Variants in TECPR2 observed in about 807,000 individuals in gnomAD.
TECPR2 encodes tectonin beta-propeller repeat-containing protein 2.
A neutral mutation model predicts 138.1 loss-of-function variants in TECPR2; 65 were observed. The ratio of observed to expected loss-of-function variants is 0.47; its 90% CI spans 0.39 to 0.58. TECPR2 has a LOEUF of 0.58. Among genes scored for constraint, TECPR2 ranks in the 20% least tolerant of loss-of-function variants. The pLI is 0.00. For missense variants in TECPR2, 1,553 were observed against 1,824.5 expected (o/e 0.85, Z 2.71); for synonymous variants, 746 against 749.8 (o/e 0.99, Z 0.08).
intron 5 of TECPR2, among the ~76,000 whole-genome samples, chr14:102,424,614 ATGATGCAT>A (rs1209240324): frequency 6.6e-6 from 1 of 152,238 alleles, no homozygotes; most frequent in Non-Finnish European, 1.5e-5. Flanking sequence ...GATTGCAGGC[ATGATGCAT>A]CCAGCCTGAA....
intron 2 of TECPR2, among the ~76,000 whole-genome samples, chr14:102,393,040 T>C (rs1175642603): frequency 1.3e-5 from 2 of 152,220 alleles, no homozygotes; most frequent in African/African-American, 4.8e-5. Flanking sequence ...TCCTTGGGAT[T>C]CTGGCTTGGC....
intron 17 of TECPR2, among the ~76,000 whole-genome samples, chr14:102,495,315 G>A (rs762955691): frequency 1.3e-5 from 2 of 152,214 alleles, no homozygotes; most frequent in African/African-American, 2.4e-5. Context: ...GCGGAGCTGC[G>A]ACCAAGTCTG....
At chr14:102,446,855 T>C (rs1306232963) in intron 13 of TECPR2, among the ~76,000 whole-genome samples, 2 of 152,200 alleles carry the variant, frequency 1.3e-5, no homozygotes, top group African/African-American at 4.8e-5. Context: ...TATTATAGGC[T>C]AAATAAACCC....
intron 16 of TECPR2, among the ~76,000 whole-genome samples, chr14:102,462,545 A>G (rs1004863001): frequency 1.3e-5 from 2 of 152,224 alleles, no homozygotes; most frequent in African/African-American, 4.8e-5. Flanking sequence ...TGGCAGAGTC[A>G]TGCCTCTGTG....
Position 102,434,570 on chromosome 14 carries a change from G to A in TECPR2, c.1753G>A (p.Ala585Thr), listed in dbSNP as rs551482396. The A allele has an allele frequency of 6.4e-7, 1 of 1,558,088 alleles. No homozygotes were observed. Among genetic ancestry groups the A allele is most frequent in the African/African-American group, 1.4e-5 (1 of 73,956 alleles). ...HAHGRELLNG[A>T]REDVGGSDVT... ...ACATGGGCGGGAGCTGCTCAATGGA[G>A]CGAGGGAAGATGTGGGAGGCAGTGA... The change falls in exon 9 of 20, where the codon GCG becomes ACG. Residue 585 changes from alanine to threonine, a missense_variant. Ala to Thr is a moderately conservative substitution (Grantham distance 58). Coordinates refer to ENST00000359520, the MANE Select transcript of TECPR2 (RefSeq NM_014844.5).
At chr14:102,363,239 G>T (rs76634606) in intron 1 of TECPR2, 123 bp downstream of exon 1, 5 of 203,214 alleles carry the variant, frequency 2.5e-5, no homozygotes, top group African/African-American at 1.2e-4. Flanking sequence ...GGGTCTCCAT[G>T]CCCGTCCGCC....
chr14:102,363,361 C>A, intron 1 of TECPR2, among the ~76,000 whole-genome samples: 1 of 152,150 alleles, frequency 6.6e-6, no homozygotes, highest in East Asian at 1.9e-4. Flanking sequence ...CAGCGGGGAA[C>A]AGGGGCCGCC....
intron 18 of TECPR2, 33 bp from the exon 19 acceptor site, chr14:102,497,537 C>T: frequency 6.6e-7 from 1 of 1,504,238 alleles, no homozygotes; most frequent in African/African-American, 1.4e-5. Flanking sequence ...CCGTCCATGG[C>T]AGGGGCTCAG....
At chr14:102,388,910 G>A (rs950326532) in intron 2 of TECPR2, among the ~76,000 whole-genome samples, 5 of 149,904 alleles carry the variant, frequency 3.3e-5, no homozygotes, top group African/African-American at 1.2e-4. Flanking sequence ...GCAGTGAGCC[G>A]AGATTGCGCC....
chr14:102,388,141 G>A (rs1888064525), intron 2 of TECPR2, among the ~76,000 whole-genome samples: 1 of 152,152 alleles, frequency 6.6e-6, no homozygotes, highest in African/African-American at 2.4e-5. Context: ...CTTTCCCTGT[G>A]GGAGTAACTT....
At position 102,384,731 on chromosome 14, in the gene TECPR2, A is replaced by ATATATG. The variant is rs529403106; in HGVS notation, c.219+7801_219+7806dup. Among the ~76,000 whole-genome samples, 825 of 149,718 alleles carry ATATATG rather than the reference A, an allele frequency of 5.5e-3. 6 individuals are homozygous for ATATATG. The highest frequency in any genetic ancestry group is 8.1e-3 in the Non-Finnish European group (547 of 67,666). On this transcript the variant is annotated intron_variant, in intron 2 of 19. Transcript: ENST00000359520. ...TGTGTGTGTATATATATATACACAT[A>ATATATG]TATATGTATATGTATGTGTGTGTAT...
chr14:102,415,559 G>A lies in TECPR2; in HGVS notation c.638+766G>A, dbSNP rs536740128. On this transcript the variant is annotated intron_variant, in intron 5 of 19. Coordinates refer to ENST00000359520, the MANE Select transcript of TECPR2 (RefSeq NM_014844.5). The surrounding 1 kb of genome is among the most constrained non-coding windows in gnomAD (Gnocchi z 4.3). The stretch of plus-strand genomic sequence containing the variant: ...TTGTAGGACTCTGCAGCGAGTTTGC[G>A]TGGGGATGGGGTGAGGAGGGGTAGG... Among the ~76,000 whole-genome samples, 3 of 152,122 alleles carry A rather than the reference G, an allele frequency of 2.0e-5. No individual in the cohort carries two copies. Among genetic ancestry groups the A allele is most frequent in the Non-Finnish European group, 2.9e-5 (2 of 68,034 alleles).
At chr14:102,413,734 A>G (rs985856735) in intron 4 of TECPR2, among the ~76,000 whole-genome samples, 3 of 152,056 alleles carry the variant, frequency 2.0e-5, no homozygotes, top group African/African-American at 7.2e-5. Flanking sequence ...ATACAATGAA[A>G]TATGCTTTGT....
chr14:102,376,609 A>T (rs1056543928), intron 1 of TECPR2, 41 bp from the exon 2 acceptor site: 26 of 919,224 alleles, frequency 2.8e-5, no homozygotes, highest in Admixed American at 1.4e-4. Flanking sequence ...TCTTTTTGCC[A>T]TGACTAGGCA....
At position 102,425,031 on chromosome 14, in the gene TECPR2, C is replaced by G; in HGVS notation, c.691C>G (p.Leu231Val). ...ACCAGGACTCTGTAAGCAAAGTGAT[C>G]TAACCTTGTATGCGTCACGGCCCGG... The part of the protein sequence containing the change: ...FIPGLCKQSD[L>V]TLYASRPGLR... The change falls in exon 6 of 20, where the codon CTA becomes GTA. Residue 231 changes from leucine (L) to valine (V), a missense_variant. By Grantham distance (32) the Leu-to-Val change is conservative (BLOSUM62 1). Coordinates refer to ENST00000359520, the MANE Select transcript of TECPR2 (RefSeq NM_014844.5). The G allele has an allele frequency of 1.2e-6, 2 of 1,614,174 alleles. No individual in the cohort carries two copies. Among genetic ancestry groups the G allele is most frequent in the South Asian group, 1.1e-5 (1 of 91,076 alleles).
chr14:102,454,824 C>T (rs1718441799), intron 16 of TECPR2, among the ~76,000 whole-genome samples: 1 of 152,182 alleles, frequency 6.6e-6, no homozygotes, highest in Admixed American at 6.5e-5. Flanking sequence ...GAACTGCTTC[C>T]CTTGCACGTC....
At chr14:102,452,898 C>T (rs1890183816) in intron 16 of TECPR2, among the ~76,000 whole-genome samples, 2 of 152,292 alleles carry the variant, frequency 1.3e-5, no homozygotes, top group South Asian at 2.1e-4. Flanking sequence ...CCACTCGCTG[C>T]GAGCGGCTTG....
intron 1 of TECPR2, among the ~76,000 whole-genome samples, chr14:102,368,196 A>T (rs1469674221): frequency 1.3e-5 from 2 of 151,458 alleles, no homozygotes; most frequent in African/African-American, 4.9e-5. Flanking sequence ...TTTGGTAGAG[A>T]CAGGGTTTCA....
intron 5 of TECPR2, among the ~76,000 whole-genome samples, chr14:102,421,536 G>C (rs1485499371): frequency 6.6e-6 from 1 of 152,182 alleles, no homozygotes; most frequent in Non-Finnish European, 1.5e-5. Context: ...GGTGGGCCCT[G>C]GGGGTGGCCT....
Sources: gnomAD v4.1 joint callset for allele counts (sites outside exome capture counted in the v4.1 genomes callset) on GRCh38, gnomAD v4.1.1 for gene constraint, Gnocchi (gnomAD v3.1) non-coding constraint, MANE v1.5 for transcripts, NCBI Gene and HGNC (gene_info 2026-07-23, HGNC 2026-07-21) for gene names.